The following GPT2 variants were observed in gnomAD, a reference collection of about 807,000 sequenced individuals.
GPT2 encodes the protein glutamic--pyruvic transaminase 2, also known as alanine aminotransferase 2.
Under a neutral mutation model 56.9 loss-of-function variants are expected in GPT2, and 30 were observed. That is an observed-to-expected ratio of 0.53 (90% CI 0.39 to 0.72). GPT2 has a LOEUF of 0.72. Ranked by LOEUF, GPT2 falls within the 30% of genes least tolerant of loss-of-function variation. The pLI is 0.00. For missense variants in GPT2, 542 were observed against 703.4 expected, an observed-to-expected ratio of 0.77 and a Z score of 2.60; for synonymous variants, 271 against 283.1, an observed-to-expected ratio of 0.96 and a Z score of 0.43.
rs774730967 is a variant in GPT2, at chr16:46,906,897, C to T, written c.498C>T (p.Tyr166=). 1.2e-6 allele frequency: 2 copies of T among 1,614,146 alleles called. No individual in the cohort carries two copies. Among genetic ancestry groups the T allele is most frequent in the African/African-American group, 2.7e-5 (2 of 74,942 alleles). The stretch of plus-strand genomic sequence containing the variant: ...GCATCCGTGAAGATGTGGCTGCCTA[C>T]ATCACCAGGAGGGATGGCGGTGTGC... ...VNCIREDVAA[Y]ITRRDGGVPA... The change falls in exon 5 of 12, where the codon TAC becomes TAT. Residue 166 remains tyrosine, a synonymous_variant. Transcript: ENST00000340124.
chr16:46,925,174 A>G (rs1961381283), intron 10 of GPT2, among the ~76,000 whole-genome samples: 4 of 151,490 alleles, frequency 2.6e-5, no homozygotes, highest in African/African-American at 9.7e-5. Flanking sequence ...CAGCCTCCCA[A>G]AGTGCTGGAA....
In GPT2 at chr16:46,903,963, C is replaced by G. The variant is rs561149332; in HGVS notation, c.443-2879C>G. On this transcript the variant is annotated intron_variant, in intron 4 of 11. Transcript: ENST00000340124. The stretch of plus-strand genomic sequence containing the variant: ...TAAGGGGAAACGTGGCATTCACGCT[C>G]ATGGGGAGGATGAGTAAGAACCTGC... 7.2e-5 allele frequency among the ~76,000 whole-genome samples: 11 copies of G among 152,286 alleles called. 1 individual carries two copies. In the South Asian group the frequency reaches 2.3e-3, roughly 32 times the overall value.
rs1300894636 is a variant in GPT2 at position 46,884,781 on chromosome 16, C to T, written c.66C>T (p.Arg22=). 2 of 1,505,224 alleles carry T rather than the reference C, an allele frequency of 1.3e-6. No homozygotes were observed. The highest frequency in any genetic ancestry group is 1.3e-5 in the South Asian group (1 of 78,730). The allele number at this position is 1,505,224 out of a possible 1,614,324, so 93.2% of individuals were successfully genotyped here. The change falls in exon 2 of 12, where the codon CGC becomes CGT. Residue 22 remains arginine, a synonymous_variant. Coordinates refer to ENST00000340124, the MANE Select transcript of GPT2 (RefSeq NM_133443.4). ...CCCGGACCCCCAGCTCCTGGGGCCG[C>T]AGCCAGAGCAGCGCGGCCGCCGAGG... is the stretch of plus-strand genomic sequence containing the variant. ...CGPRTPSSWG[R]SQSSAAAEAS... is the part of the protein sequence containing the mutation.
intron 6 of GPT2, among the ~76,000 whole-genome samples, chr16:46,913,716 G>A (rs1302246888): frequency 6.6e-6 from 1 of 152,032 alleles, no homozygotes; most frequent in Non-Finnish European, 1.5e-5. Flanking sequence ...TAACAAAAAG[G>A]TAAGATACTC....
chr16:46,904,810 C>T (rs1960887338), intron 4 of GPT2, among the ~76,000 whole-genome samples: 1 of 152,178 alleles, frequency 6.6e-6, no homozygotes, highest in Admixed American at 6.5e-5. Context: ...GCAACTAAAT[C>T]ACCTATTGGG....
chr16:46,931,077 C>T lies in GPT2; in HGVS notation c.*2080C>T, dbSNP rs1388235321. On this transcript the variant is annotated 3_prime_UTR_variant, in exon 12 of 12. Coordinates refer to ENST00000340124, the MANE Select transcript of GPT2 (RefSeq NM_133443.4). ...GTGTGTAGCATGTGCTGAGGAAGCACGTGCTGGGCTGTGCCTCAGACAGTG... is the reference window on the plus strand; with the variant it reads ...GTGTGTAGCATGTGCTGAGGAAGCATGTGCTGGGCTGTGCCTCAGACAGTG... 2 of 152,210 alleles carry T rather than the reference C, an allele frequency of 1.3e-5. No individual in the cohort carries two copies. The highest frequency in any genetic ancestry group is 2.9e-5 in the Non-Finnish European group (2 of 68,042). 9.4% of individuals were successfully genotyped at this position (152,210 alleles called of 1,614,324 possible).
intron 9 of GPT2, 28 bp from the exon 10 acceptor site, chr16:46,924,361 C>G (rs758698710): frequency 5.6e-5 from 91 of 1,613,204 alleles, no homozygotes; most frequent in Middle Eastern, 3.3e-4. Context: ...GAGATACTGA[C>G]TGCTGTGCTG....
At chr16:46,887,991 C>A (rs1281160073) in intron 2 of GPT2, among the ~76,000 whole-genome samples, 2 of 152,178 alleles carry the variant, frequency 1.3e-5, no homozygotes, top group African/African-American at 4.8e-5. Context: ...GTGTTCACTG[C>A]GAGCAGCACT....
At chr16:46,898,919 CATATATATGTGTATATATAT>C (rs1960745456) in intron 3 of GPT2, among the ~76,000 whole-genome samples, 1 of 141,086 alleles carries the variant, frequency 7.1e-6, no homozygotes, top group South Asian at 2.2e-4. Context: ...TATACACACA[CATATATATGTGTATATATAT>C]ACACACACAT....
chr16:46,923,559 G>A (rs910044957), intron 9 of GPT2, among the ~76,000 whole-genome samples: 12 of 152,180 alleles, frequency 7.9e-5, no homozygotes, highest in African/African-American at 1.2e-4. Context: ...GGCCCGTGTC[G>A]TGATTCCAGG....
chr16:46,894,451 G>A (rs531395040), intron 2 of GPT2, among the ~76,000 whole-genome samples: 3 of 152,220 alleles, frequency 2.0e-5, no homozygotes, highest in Non-Finnish European at 4.4e-5. Context: ...AGGAGCCCAG[G>A]CCAGTGCCAA....
chr16:46,917,557 T>C (rs1961193445), intron 7 of GPT2, among the ~76,000 whole-genome samples: 1 of 152,182 alleles, frequency 6.6e-6, no homozygotes, highest in Non-Finnish European at 1.5e-5. Flanking sequence ...AAACTGAGGT[T>C]CCAGCAAATC....
chr16:46,894,842 T>A (rs1042636666), intron 2 of GPT2, among the ~76,000 whole-genome samples: 7 of 152,140 alleles, frequency 4.6e-5, no homozygotes, highest in Admixed American at 3.3e-4. Context: ...AGTTTTTGTA[T>A]TTTTAGTAGA....
rs766823595 is a variant in GPT2, at chr16:46,906,914, G to T, written c.515G>T (p.Gly172Val). 6.2e-7 allele frequency: 1 copy of T among 1,614,220 alleles called. No homozygotes were observed. Among genetic ancestry groups the T allele is most frequent in the Non-Finnish European group, 8.5e-7 (1 of 1,180,046 alleles). The change falls in exon 5 of 12, where the codon GGC (glycine) becomes GTC (valine). Residue 172 changes from glycine (G) to valine (V), a missense_variant. Transcript: ENST00000340124. ...GCTGCCTACATCACCAGGAGGGATG[G>T]CGGTGTGCCTGCGGACCCCGACAAC... is the stretch of plus-strand genomic sequence containing the variant. ...DVAAYITRRDGGVPADPDNIY... is the reference protein window; with the variant it reads ...DVAAYITRRDVGVPADPDNIY...
At chr16:46,927,938 C>T (rs1961450351) in intron 11 of GPT2, among the ~76,000 whole-genome samples, 1 of 152,078 alleles carries the variant, frequency 6.6e-6, no homozygotes, top group African/African-American at 2.4e-5. Flanking sequence ...GTCTCACTGT[C>T]AGACTGACTA....
At chr16:46,888,488 A>G (rs974480978) in intron 2 of GPT2, among the ~76,000 whole-genome samples, 3 of 152,178 alleles carry the variant, frequency 2.0e-5, no homozygotes, top group Non-Finnish European at 4.4e-5. Context: ...CTGGGATTAC[A>G]GGTGCCCGCC....
Position 46,900,795 on chromosome 16 carries a change from G to A in GPT2, c.442+5G>A. ...CTTGTGGCGGGAACAGCCTGGGTGA[G>A]GCCCCAACTTGCCAGGCCCCTAGGC... On this transcript the variant is annotated splice_donor_5th_base_variant and intron_variant, in intron 4 of 11. Transcript: ENST00000340124. 1.2e-6 allele frequency: 2 copies of A among 1,612,754 alleles called. No individual in the cohort carries two copies. Among genetic ancestry groups the A allele is most frequent in the Non-Finnish European group, 8.5e-7 (1 of 1,178,916 alleles).
intron 9 of GPT2, 89 bp from the exon 10 acceptor site, chr16:46,924,299 AT>A (rs1210418601): frequency 7.0e-7 from 1 of 1,429,320 alleles, no homozygotes; most frequent in Non-Finnish European, 9.8e-7. Context: ...ATCATCTGGG[AT>A]TTCCGCAAGT....
intron 2 of GPT2, among the ~76,000 whole-genome samples, chr16:46,889,116 TC>T (rs1396650956): frequency 4.6e-5 from 7 of 152,078 alleles, no homozygotes; most frequent in African/African-American, 1.4e-4. Flanking sequence ...AGCCTCAACT[TC>T]CTGGGCTCAA....
Sources: allele counts gnomAD v4.1 joint callset (sites outside exome capture counted in the v4.1 genomes callset), GRCh38; gene constraint gnomAD v4.1.1; transcripts MANE v1.5; gene names NCBI Gene and HGNC (gene_info 2026-07-23, HGNC 2026-07-21).